The following FAM135B variants were observed in gnomAD, a reference collection of about 807,000 sequenced individuals.
FAM135B encodes protein FAM135B.
FAM135B carries 43 observed loss-of-function variants against 127.7 expected under a neutral mutation model. The observed-to-expected ratio is 0.34, with a 90% CI of 0.26 to 0.43. The LOEUF (loss-of-function observed/expected upper bound fraction) is 0.43. Ranked by LOEUF, FAM135B falls within the 20% of genes least tolerant of loss-of-function variation. The pLI, the probability that FAM135B is intolerant of heterozygous loss-of-function variation, is 1.00. For missense variants in FAM135B, 1,558 were observed against 1,725.6 expected, an observed-to-expected ratio of 0.90 and a Z score of 1.72; for synonymous variants, 670 against 665.1, an observed-to-expected ratio of 1.01 and a Z score of -0.11.
intron 7 of FAM135B, among the ~76,000 whole-genome samples, chr8:138,218,596 A>T (rs1323361153): frequency 6.6e-6 from 1 of 152,174 alleles, no homozygotes; most frequent in Non-Finnish European, 1.5e-5. Context: ...AGTTAAAAAG[A>T]TGATGTTTGC....
chr8:138,147,471 T>C (rs1295525470), intron 14 of FAM135B, among the ~76,000 whole-genome samples: 1 of 152,198 alleles, frequency 6.6e-6, no homozygotes, highest in Non-Finnish European at 1.5e-5. Flanking sequence ...CTTGAGGTTT[T>C]TGTACAACAT....
chr8:138,351,004 G>T (rs1438516359), intron 2 of FAM135B, among the ~76,000 whole-genome samples: 2 of 152,136 alleles, frequency 1.3e-5, no homozygotes, highest in African/African-American at 4.8e-5. Flanking sequence ...GACTTTCATG[G>T]TCTTAGCCCT....
chr8:138,390,673 A>G (rs1462426645), intron 1 of FAM135B, among the ~76,000 whole-genome samples: 1 of 152,212 alleles, frequency 6.6e-6, no homozygotes, highest in Non-Finnish European at 1.5e-5. Flanking sequence ...GTGTTCACTA[A>G]TGAAGAAATC....
intron 2 of FAM135B, among the ~76,000 whole-genome samples, chr8:138,330,959 C>G (rs1828129963): frequency 6.6e-6 from 1 of 152,024 alleles, no homozygotes; most frequent in South Asian, 2.1e-4. Flanking sequence ...TCTCCTGCCT[C>G]AGCCTCCCGA....
intron 6 of FAM135B, among the ~76,000 whole-genome samples, chr8:138,247,276 G>A (rs1391884928): frequency 1.3e-5 from 2 of 152,164 alleles, no homozygotes; most frequent in African/African-American, 2.4e-5. Context: ...GATATGGTTT[G>A]GCTATGTCTC....
chr8:138,178,478 T>A, intron 10 of FAM135B, 57 bp downstream of exon 10: 1 of 1,592,758 alleles, frequency 6.3e-7, no homozygotes, highest in Non-Finnish European at 8.6e-7. Context: ...TCATAAAGGT[T>A]CCTCCAAAGA....
intron 7 of FAM135B, among the ~76,000 whole-genome samples, chr8:138,199,056 A>G (rs980961456): frequency 1.3e-5 from 2 of 152,158 alleles, no homozygotes; most frequent in Non-Finnish European, 2.9e-5. Flanking sequence ...TGCACAGCCA[A>G]TGACTGGAGA....
chr8:138,360,454 C>T (rs1306860454), intron 2 of FAM135B, among the ~76,000 whole-genome samples: 2 of 152,220 alleles, frequency 1.3e-5, no homozygotes, highest in African/African-American at 4.8e-5. Flanking sequence ...AACACAAAGT[C>T]TCTGGAATTT....
chr8:138,326,806 A>AT (rs1827822305), intron 2 of FAM135B, among the ~76,000 whole-genome samples: 1 of 152,154 alleles, frequency 6.6e-6, no homozygotes, highest in African/African-American at 2.4e-5. Flanking sequence ...TCATGTTAAC[A>AT]TTTTTTATGG....
intron 2 of FAM135B, among the ~76,000 whole-genome samples, chr8:138,337,868 G>C (rs954809482): frequency 4.6e-5 from 7 of 152,080 alleles, no homozygotes; most frequent in Admixed American, 2.0e-4. Flanking sequence ...ATACTGCAAG[G>C]CTACAGTAAC....
At chr8:138,378,405 C>T (rs1262917361) in intron 1 of FAM135B, among the ~76,000 whole-genome samples, 4 of 152,308 alleles carry the variant, frequency 2.6e-5, no homozygotes, top group Non-Finnish European at 5.9e-5. Flanking sequence ...GCCTCAGTTT[C>T]CCCAACTGCA....
At chr8:138,217,388 C>G (rs888606002) in intron 7 of FAM135B, among the ~76,000 whole-genome samples, 4 of 150,688 alleles carry the variant, frequency 2.7e-5, no homozygotes, top group Admixed American at 6.6e-5. Flanking sequence ...TCTCTTGCCT[C>G]TAGCCTTCCA....
chr8:138,444,950 AT>A (rs1450557325), intron 1 of FAM135B, among the ~76,000 whole-genome samples: 1 of 152,224 alleles, frequency 6.6e-6, no homozygotes. Context: ...AATAGCCGCA[AT>A]AAAAAATGAT....
At chr8:138,335,697 C>T (rs1011297178) in intron 2 of FAM135B, among the ~76,000 whole-genome samples, 20 of 152,256 alleles carry the variant, frequency 1.3e-4, no homozygotes, top group Non-Finnish European at 2.2e-4. Flanking sequence ...GACAGTTCAA[C>T]GAGACAGAAA....
At chr8:138,415,644 A>C (rs965405655) in intron 1 of FAM135B, among the ~76,000 whole-genome samples, 1 of 152,220 alleles carries the variant, frequency 6.6e-6, no homozygotes, top group African/African-American at 2.4e-5. Context: ...AAAAAAGCCG[A>C]GGATGACTTT....
chr8:138,361,297 C>A (rs1362071543), intron 2 of FAM135B, among the ~76,000 whole-genome samples: 1 of 152,136 alleles, frequency 6.6e-6, no homozygotes, highest in Non-Finnish European at 1.5e-5. Flanking sequence ...ATTTGAGCAG[C>A]ATTGATTTAA....
intron 2 of FAM135B, among the ~76,000 whole-genome samples, chr8:138,319,422 C>G (rs527510003): frequency 6.6e-6 from 1 of 152,234 alleles, no homozygotes; most frequent in Admixed American, 6.5e-5. Flanking sequence ...TATCTTTTAA[C>G]CATCTTAGAG....
intron 2 of FAM135B, among the ~76,000 whole-genome samples, chr8:138,324,398 C>T (rs1202913437): frequency 6.6e-6 from 1 of 152,200 alleles, no homozygotes; most frequent in Non-Finnish European, 1.5e-5. Flanking sequence ...CCAGACCACT[C>T]ACCTCTAAAA....
At chr8:138,330,410 C>T (rs1031898920) in intron 2 of FAM135B, among the ~76,000 whole-genome samples, 3 of 152,188 alleles carry the variant, frequency 2.0e-5, no homozygotes, top group Admixed American at 6.5e-5. Flanking sequence ...TCCACAGGCA[C>T]ATGGCAGGCC....
Sources: allele counts gnomAD v4.1 joint callset (sites outside exome capture counted in the v4.1 genomes callset), GRCh38; gene constraint gnomAD v4.1.1; transcripts MANE v1.5; gene names NCBI Gene and HGNC (gene_info 2026-07-23, HGNC 2026-07-21).